The following DTD1 variants were observed in gnomAD, a reference collection of about 807,000 sequenced individuals.
DTD1 encodes D-tyrosyl-tRNA deacylase 1 homolog.
Under a neutral mutation model 25.6 loss-of-function variants are expected in DTD1, and 13 were observed. The observed-to-expected ratio is 0.51, with a 90% CI of 0.33 to 0.81. The LOEUF (loss-of-function observed/expected upper bound fraction) is 0.81. DTD1 is among the 30% of genes least tolerant of loss of function. DTD1 has a pLI of 0.02. For missense variants in DTD1, 193 were observed against 266.4 expected, an observed-to-expected ratio of 0.72 and a Z score of 1.92; for synonymous variants, 110 against 103.6, an observed-to-expected ratio of 1.06 and a Z score of -0.37.
intron 4 of DTD1, among the ~76,000 whole-genome samples, chr20:18,682,269 A>G (rs2061001030): frequency 6.6e-6 from 1 of 152,072 alleles, no homozygotes; most frequent in South Asian, 2.1e-4. Context: ...TCAGGCCACT[A>G]CTCTGAGGGT....
rs147947163 is a variant in DTD1, at chr20:18,633,197, G to A, written c.477+4964G>A. The stretch of plus-strand genomic sequence containing the variant: ...CCAAGGCCTAAGTGACCAGGCGTCC[G>A]TGGCCCTTTCTTGCCTGCTCTGTGG... On this transcript the variant is annotated intron_variant, in intron 4 of 5. Transcript: ENST00000377452. Among the ~76,000 whole-genome samples, 34 of 152,174 alleles carry A rather than the reference G, an allele frequency of 2.2e-4. No individual in the cohort carries two copies. In the East Asian group the frequency reaches 5.6e-3, roughly 25 times the overall value.
In DTD1 at chr20:18,716,659, A is replaced by G. The variant is rs553819852; in HGVS notation, c.478-27441A>G. On this transcript the variant is annotated intron_variant, in intron 4 of 5. Coordinates refer to ENST00000377452, the MANE Select transcript of DTD1 (RefSeq NM_080820.6). ...TGGTGTTGTAAATTTCAATTTAGGT[A>G]AAAGAGTACACTTGACTCGAACAAT... Among the ~76,000 whole-genome samples, 7 of 152,332 alleles carry G rather than the reference A, an allele frequency of 4.6e-5. No homozygotes were observed. In the South Asian group the frequency reaches 1.5e-3, roughly 32 times the overall value.
At chr20:18,630,221 A>T (rs903669072) in intron 4 of DTD1, among the ~76,000 whole-genome samples, 5 of 152,078 alleles carry the variant, frequency 3.3e-5, no homozygotes, top group African/African-American at 4.8e-5. Flanking sequence ...GAGTTTCCAT[A>T]TACTTTTTAA....
intron 4 of DTD1, among the ~76,000 whole-genome samples, chr20:18,730,994 C>T (rs2061237610): frequency 6.6e-6 from 1 of 152,176 alleles, no homozygotes; most frequent in African/African-American, 2.4e-5. Context: ...CTTTTATTCA[C>T]CCAACATATA....
intron 4 of DTD1, among the ~76,000 whole-genome samples, chr20:18,649,012 A>AG (rs1213457446): frequency 6.7e-6 from 1 of 150,328 alleles, no homozygotes; most frequent in African/African-American, 2.5e-5. Context: ...AAAAAAAAAA[A>AG]AAAAAAAGCA....
chr20:18,731,094 T>C (rs1282818761), intron 4 of DTD1, among the ~76,000 whole-genome samples: 1 of 152,222 alleles, frequency 6.6e-6, no homozygotes, highest in Non-Finnish European at 1.5e-5. Context: ...TCTCCTTTCT[T>C]AAATTTCCCT....
chr20:18,631,182 C>G, intron 4 of DTD1: 2 of 985,506 alleles, frequency 2.0e-6, no homozygotes, highest in Non-Finnish European at 2.4e-6. Flanking sequence ...CAGAGCTACC[C>G]TTTCCTGGGC....
At chr20:18,595,614 A>T (rs1435872656) in intron 2 of DTD1, among the ~76,000 whole-genome samples, 1 of 152,136 alleles carries the variant, frequency 6.6e-6, no homozygotes, top group African/African-American at 2.4e-5. Context: ...TTAAAAATGG[A>T]TGTCATTTAT....
In DTD1 at chr20:18,686,467, A is replaced by T. The variant is rs181086281; in HGVS notation, c.478-57633A>T. Among the ~76,000 whole-genome samples, 566 of 152,314 alleles carry T rather than the reference A, an allele frequency of 3.7e-3. 3 individuals are homozygous for T. The highest frequency in any genetic ancestry group is 0.013 in the African/African-American group (548 of 41,564). The stretch of plus-strand genomic sequence containing the variant: ...TATATGGCCAGTTAGCCTTCCAAAA[A>T]GTTTATAATTTACCTTCCCAGCAGC... On this transcript the variant is annotated intron_variant, in intron 4 of 5. Transcript: ENST00000377452.
intron 3 of DTD1, among the ~76,000 whole-genome samples, chr20:18,616,782 G>T (rs531747911): frequency 6.6e-6 from 1 of 152,176 alleles, no homozygotes; most frequent in African/African-American, 2.4e-5. Context: ...ACTCTAGCCC[G>T]GGTGATAGAG....
chr20:18,613,790 A>T (rs1568645898), intron 3 of DTD1, among the ~76,000 whole-genome samples: 1 of 152,092 alleles, frequency 6.6e-6, no homozygotes, highest in Non-Finnish European at 1.5e-5. Context: ...ATTTTGTCTG[A>T]GCTGTGTTTA....
intron 4 of DTD1, among the ~76,000 whole-genome samples, chr20:18,687,706 A>T (rs1416799908): frequency 6.6e-6 from 1 of 151,986 alleles, no homozygotes; most frequent in Non-Finnish European, 1.5e-5. Flanking sequence ...AGGCATGCCC[A>T]ACTAATTTTT....
chr20:18,730,832 T>C (rs1346804139), intron 4 of DTD1, among the ~76,000 whole-genome samples: 2 of 152,378 alleles, frequency 1.3e-5, no homozygotes, highest in African/African-American at 4.8e-5. Context: ...TTATATTTTC[T>C]GAATATTTGC....
chr20:18,740,525 G>A (rs1253543123), intron 4 of DTD1, among the ~76,000 whole-genome samples: 1 of 152,112 alleles, frequency 6.6e-6, no homozygotes, highest in African/African-American at 2.4e-5. Context: ...TCAATTGCTG[G>A]CAGCAGAAGG....
intron 4 of DTD1, among the ~76,000 whole-genome samples, chr20:18,656,375 A>G (rs948260151): frequency 6.6e-6 from 1 of 152,196 alleles, no homozygotes; most frequent in African/African-American, 2.4e-5. Flanking sequence ...TAACACAATA[A>G]AAGTTAATTT....
At chr20:18,758,129 A>AT (rs556185412) in intron 5 of DTD1, among the ~76,000 whole-genome samples, 21,242 of 151,988 alleles carry the variant, frequency 0.14, 1,824 homozygotes, top group Non-Finnish European at 0.19. Flanking sequence ...CCCCTTTATC[A>AT]TTTTTTATTG....
At chr20:18,601,353 G>A (rs1264920813) in intron 3 of DTD1, among the ~76,000 whole-genome samples, 1 of 152,082 alleles carries the variant, frequency 6.6e-6, no homozygotes, top group Middle Eastern at 3.2e-3. Flanking sequence ...ACAAAAATTA[G>A]CCAGGTGTGG....
At chr20:18,645,931 G>A (rs1288461759) in intron 4 of DTD1, among the ~76,000 whole-genome samples, 1 of 152,228 alleles carries the variant, frequency 6.6e-6, no homozygotes, top group Non-Finnish European at 1.5e-5. Context: ...TGGGCATAGT[G>A]TATAAATAGT....
intron 4 of DTD1, among the ~76,000 whole-genome samples, chr20:18,634,732 G>A (rs1292344980): frequency 3.3e-5 from 5 of 152,118 alleles, no homozygotes; most frequent in Non-Finnish European, 5.9e-5. Flanking sequence ...AAGGGGGTGT[G>A]GGGGAAAAGA....
Sources: allele counts gnomAD v4.1 joint callset (sites outside exome capture counted in the v4.1 genomes callset), GRCh38; gene constraint gnomAD v4.1.1; transcripts MANE v1.5; gene names NCBI Gene and HGNC (gene_info 2026-07-23, HGNC 2026-07-21).